Variants in NLRP5 observed in about 807,000 individuals in gnomAD.
NLRP5 encodes NLR family pyrin domain containing 5, also known as NACHT, LRR and PYD domains-containing protein 5.
A neutral mutation model predicts 113.1 loss-of-function variants in NLRP5; 93 were observed. The ratio of observed to expected loss-of-function variants is 0.82; its 90% confidence interval spans 0.70 to 0.98. The LOEUF is 0.98. NLRP5 is among the 50% of genes least tolerant of loss of function. The pLI, the probability that NLRP5 is intolerant of heterozygous loss-of-function variation, is 0.00. For missense variants in NLRP5, 1,808 were observed against 1,514.3 expected, an observed-to-expected ratio of 1.19 and a Z score of -3.22; for synonymous variants, 751 against 600.7, an observed-to-expected ratio of 1.25 and a Z score of -3.66.
chr19:56,001,767 A>G (rs1334327375), intron 1 of NLRP5, among the ~76,000 whole-genome samples: 1 of 152,232 alleles, frequency 6.6e-6, no homozygotes, highest in Non-Finnish European at 1.5e-5. Context: ...ATAAATGTAC[A>G]GATGTCAAGC....
upstream of NLRP5, among the ~76,000 whole-genome samples, chr19:55,995,248 T>C (rs1981288270): frequency 6.6e-6 from 1 of 152,032 alleles, no homozygotes; most frequent in Non-Finnish European, 1.5e-5. Flanking sequence ...TTAGGAGAAA[T>C]ACCTAATGCA....
At chr19:55,987,971 C>T in the NLRP5 span, 329,371 of 1,331,800 alleles carry the variant, frequency 0.25, 42,444 homozygotes, top group Middle Eastern at 0.3. Context: ...TGACAACTGG[C>T]AAATACCAGG....
chr19:56,020,277 A>C lies in NLRP5; in HGVS notation c.623-98A>C. ...GTGGTTGTCATGTTTTCAACTGGCC[A>C]GAAAATAAATATGGCATGACTAAGC... On this transcript the variant is annotated intron_variant, in intron 5 of 14. Transcript: ENST00000390649. 2.1e-6 allele frequency: 3 copies of C among 1,453,788 alleles called. No individual in the cohort carries two copies. In the South Asian group the frequency reaches 3.6e-5, roughly 17 times the overall value. 90.1% of individuals were successfully genotyped at this position (1,453,788 alleles called of 1,614,324 possible). A position where few individuals can be genotyped will look rare whatever the true frequency, so the allele number is the denominator to read the frequency against.
intron 3 of NLRP5, among the ~76,000 whole-genome samples, 167 bp from the exon 4 acceptor site, chr19:56,015,575 A>G (rs1982372295): frequency 6.6e-6 from 1 of 152,170 alleles, no homozygotes; most frequent in African/African-American, 2.4e-5. Context: ...TCTAGTACTT[A>G]TGTTACTGGC....
In NLRP5 at chr19:56,053,702, A is replaced by G; in HGVS notation, c.3193A>G (p.Arg1065Gly). The G allele has an allele frequency of 6.2e-7, 1 of 1,613,902 alleles. No homozygotes were observed. The highest frequency in any genetic ancestry group is 1.1e-5 in the South Asian group (1 of 91,068). Residue 1065 changes from arginine to glycine, a missense_variant, in exon 13 of 15, where the codon AGA becomes GGA. By Grantham distance (125) the Arg-to-Gly change is moderately radical. Transcript: ENST00000390649. Reference sequence around the variant, plus strand: ...TCTGTCCTGTGTGATCTCGAGGAGCAGACACCTGAAGAGCCTGGATCTCAC... The same window carrying G: ...TCTGTCCTGTGTGATCTCGAGGAGCGGACACCTGAAGAGCCTGGATCTCAC...
At position 56,027,654 on chromosome 19, in the gene NLRP5, GCT is replaced by G. The variant is rs1220505023; in HGVS notation, c.1427_1428del (p.Leu476HisfsTer66). On this transcript the variant is annotated frameshift_variant, in exon 7 of 15. Transcript: ENST00000390649. LOFTEE classifies it high-confidence loss of function. Reference sequence around the variant, plus strand: ...GACCAGTGCCAGGTGCCCGCCGTGGGCTCTCTCATCTGCGTGGCCCTGCAGCT... The same window carrying G: ...GACCAGTGCCAGGTGCCCGCCGTGGGCTCTCATCTGCGTGGCCCTGCAGCT... 16 of 1,613,294 alleles carry G rather than the reference GCT, an allele frequency of 9.9e-6. No individual in the cohort carries two copies. Among genetic ancestry groups the G allele is most frequent in the Non-Finnish European group, 1.4e-5 (16 of 1,179,894 alleles).
At chr19:56,023,932 G>A (rs1384290137) in intron 6 of NLRP5, among the ~76,000 whole-genome samples, 1 of 152,104 alleles carries the variant, frequency 6.6e-6, no homozygotes, top group Non-Finnish European at 1.5e-5. Flanking sequence ...AGTAGTACCA[G>A]TAAACTTAAG....
chr19:56,010,145 G>C (rs1367555030), intron 3 of NLRP5, among the ~76,000 whole-genome samples: 1 of 152,162 alleles, frequency 6.6e-6, no homozygotes, highest in Non-Finnish European at 1.5e-5. Context: ...TCCTGGACAC[G>C]AGAACTACCA....
At chr19:56,034,214 C>T (rs1208481854) in intron 9 of NLRP5, among the ~76,000 whole-genome samples, 2 of 152,190 alleles carry the variant, frequency 1.3e-5, no homozygotes, top group South Asian at 2.1e-4. Flanking sequence ...CATGGTGAAA[C>T]TCCATCTCTA....
In NLRP5 at chr19:56,003,572, TG is replaced by T. The variant is rs1406648978; in HGVS notation, c.63-143del. On this transcript the variant is annotated intron_variant, in intron 1 of 14. Transcript: ENST00000390649. ...TACAGACAACAAAATGTCCCAGCAC[TG>T]ATGTCTAGTAATAGGATAAACAGAT... 3.7e-6 allele frequency: 3 copies of T among 811,422 alleles called. No homozygotes were observed. In the East Asian group the frequency reaches 7.7e-5, roughly 21 times the overall value. 50.3% of individuals were successfully genotyped at this position (811,422 alleles called of 1,614,324 possible). A position where few individuals can be genotyped will look rare whatever the true frequency, so the allele number is the denominator to read the frequency against.
At chr19:55,988,547 C>CT in the NLRP5 span, 1 of 149,356 alleles carries the variant, frequency 6.7e-6, no homozygotes, top group African/African-American at 2.5e-5. Context: ...CTTCTTGCTT[C>CT]TTCTACCTTT....
chr19:56,033,425 A>T (rs1397104523), intron 8 of NLRP5, 117 bp from the exon 9 acceptor site: 1 of 794,580 alleles, frequency 1.3e-6, no homozygotes, highest in Admixed American at 2.3e-5. Context: ...GTTGTTTTAA[A>T]AGGAAATACA....
rs753314373 is a variant in NLRP5 at position 56,041,115 on chromosome 19, C to T, written c.2957+23C>T. 50 of 1,610,670 alleles carry T rather than the reference C, an allele frequency of 3.1e-5. No individual in the cohort carries two copies. In the East Asian group the frequency reaches 1.1e-3, roughly 35 times the overall value. On this transcript the variant is annotated intron_variant, in intron 11 of 14. Coordinates refer to ENST00000390649, the MANE Select transcript of NLRP5 (RefSeq NM_153447.4). ...GATGTGAGTCTGGCTTGCTCCCCTG[C>T]AAGGACTTCCTAGCTTTCTAACATA...
chr19:55,992,018 C>T, the NLRP5 span, among the ~76,000 whole-genome samples: 1 of 152,092 alleles, frequency 6.6e-6, no homozygotes, highest in Non-Finnish European at 1.5e-5. Flanking sequence ...TCTCACCCTC[C>T]TCCCACCCTC....
chr19:56,008,528 T>A (rs1225472722), intron 2 of NLRP5, among the ~76,000 whole-genome samples: 1 of 152,090 alleles, frequency 6.6e-6, no homozygotes, highest in Non-Finnish European at 1.5e-5. Flanking sequence ...ACAATTAACC[T>A]CATTGTGTGA....
chr19:56,032,505 C>T (rs956959186), intron 7 of NLRP5, 106 bp from the exon 8 acceptor site: 20 of 991,000 alleles, frequency 2.0e-5, no homozygotes, highest in African/African-American at 6.4e-5. Flanking sequence ...CTAAAGCCAC[C>T]GTGGTCTCAC....
At chr19:55,989,194 A>G in the NLRP5 span, among the ~76,000 whole-genome samples, 46 of 152,272 alleles carry the variant, frequency 3.0e-4, no homozygotes, top group Non-Finnish European at 4.3e-4. Context: ...AAATTCATTT[A>G]TGTCTACTTA....
chr19:56,018,012 C>A (rs970778557), intron 4 of NLRP5, among the ~76,000 whole-genome samples: 1 of 152,152 alleles, frequency 6.6e-6, no homozygotes, highest in African/African-American at 2.4e-5. Flanking sequence ...TGGTCTCTAC[C>A]CGTAATATAT....
the NLRP5 span, chr19:55,988,197 G>C: frequency 5.0e-6 from 1 of 199,826 alleles, no homozygotes; most frequent in Non-Finnish European, 1.0e-5. Context: ...TTCCAGACCA[G>C]CCTGGCCAAC....
Sources: gnomAD v4.1 joint callset for allele counts (sites outside exome capture counted in the v4.1 genomes callset) on GRCh38, gnomAD v4.1.1 for gene constraint, MANE v1.5 for transcripts, NCBI Gene and HGNC (gene_info 2026-07-23, HGNC 2026-07-21) for gene names.